CDX2: variants seen among roughly 807,000 people sequenced by gnomAD.
The protein encoded by CDX2 is caudal type homeobox 2.
In CDX2, 7 loss-of-function variants were observed where a neutral mutation model predicts 25.5. The ratio of observed to expected loss-of-function variants is 0.27; its 90% CI spans 0.16 to 0.52. CDX2 has a LOEUF of 0.52. CDX2 is among the 20% of genes least tolerant of loss of function. The pLI is 0.97. For missense variants in CDX2, 375 were observed against 431.4 expected (o/e 0.87, Z 1.16); for synonymous variants, 222 against 198.6 (o/e 1.12, Z -0.99).
chr13:27,963,237 G>A lies in CDX2; in HGVS notation c.820C>T (p.Pro274Ser), dbSNP rs1371684761. The part of the protein sequence containing the change: ...PPQPPQPQPG[P>S]LRSVPEPLSP... ...AAGGGCTCTGGGACACTTCTCAGAG[G>A]ACCTGGCTGAGGCTGGGGAGGCTGT... The change falls in exon 3 of 3, where the codon CCT (proline) becomes TCT (serine). Residue 274 changes from proline (P) to serine (S), a missense_variant. Around this residue, in one of 3 missense-constraint regions of CDX2, gnomAD observed 58 missense variants for 59.4 expected, o/e 0.98. Coordinates refer to ENST00000381020, the MANE Select transcript of CDX2 (RefSeq NM_001265.6). 1 of 1,614,160 alleles carries A rather than the reference G, an allele frequency of 6.2e-7. No individual in the cohort carries two copies. The highest frequency in any genetic ancestry group is 8.5e-7 in the Non-Finnish European group (1 of 1,179,974).
At chr13:27,965,672 A>T (rs1869284035) in intron 1 of CDX2, among the ~76,000 whole-genome samples, 1 of 152,008 alleles carries the variant, frequency 6.6e-6, no homozygotes, top group African/African-American at 2.4e-5. Flanking sequence ...TTCTTTTTTG[A>T]TCCTCCATTT....
At position 27,963,020 on chromosome 13, in the gene CDX2, G is replaced by C. The variant is rs975158709; in HGVS notation, c.*95C>G. 1.2e-4 allele frequency: 172 copies of C among 1,433,342 alleles called. No individual in the cohort carries two copies. The highest frequency in any genetic ancestry group is 1.4e-4 in the Non-Finnish European group (156 of 1,086,442). 88.8% of individuals were successfully genotyped at this position (1,433,342 alleles called of 1,614,324 possible). A position where few individuals can be genotyped will look rare whatever the true frequency, so the allele number is the denominator to read the frequency against. ...CAGGTCTGTAGGTCTATGGCTGTGG[G>C]TGGGAGGGGAGGGGTCTCTCCTGAG... is the stretch of plus-strand genomic sequence containing the variant. On this transcript the variant is annotated 3_prime_UTR_variant, in exon 3 of 3. Transcript: ENST00000381020.
At chr13:27,965,609 C>T (rs1000662860) in intron 1 of CDX2, among the ~76,000 whole-genome samples, 53 of 152,232 alleles carry the variant, frequency 3.5e-4, no homozygotes, top group Non-Finnish European at 1.5e-4. Flanking sequence ...GAAAACCCCT[C>T]CTGCTGGGGA....
At position 27,962,228 on chromosome 13, in the gene CDX2, T is replaced by TC. The variant is rs1869081361; in HGVS notation, c.*886dup. ...CCACTTCCCTTCACCATATCACTTC[T>TC]CCCCCCATGGATCCAGAAGGCTTTA... On this transcript the variant is annotated 3_prime_UTR_variant, in exon 3 of 3. Transcript: ENST00000381020. 1 of 232,274 alleles carries TC rather than the reference T, an allele frequency of 4.3e-6. No individual in the cohort carries two copies. Among genetic ancestry groups the TC allele is most frequent in the Admixed American group, 5.6e-5 (1 of 17,700 alleles). The allele number at this position is 232,274 out of a possible 1,614,324, so 14.4% of individuals were successfully genotyped here.
chr13:27,968,426 C>G (rs1434319840), intron 1 of CDX2, 40 bp downstream of exon 1: 1 of 1,448,032 alleles, frequency 6.9e-7, no homozygotes, highest in African/African-American at 1.5e-5. Context: ...CGACCCGCGC[C>G]TTCCCAAGCA....
chr13:27,968,437 C>T (rs1189887709), intron 1 of CDX2, 29 bp downstream of exon 1: 6 of 1,479,170 alleles, frequency 4.1e-6, no homozygotes, highest in Non-Finnish European at 4.4e-6. Context: ...TTCCCAAGCA[C>T]CCTCCGAAGG....
chr13:27,966,729 A>C (rs114408453), intron 1 of CDX2, among the ~76,000 whole-genome samples: 1 of 152,110 alleles, frequency 6.6e-6, no homozygotes, highest in Non-Finnish European at 1.5e-5. Context: ...GAGCGGGGCT[A>C]TGGAGGGGAG....
intron 2 of CDX2, among the ~76,000 whole-genome samples, chr13:27,963,887 TGA>T (rs1362199317): frequency 6.6e-6 from 1 of 152,236 alleles, no homozygotes; most frequent in East Asian, 1.9e-4. Context: ...CTAGTTTTTG[TGA>T]GAGACTGAGT....
chr13:27,967,229 G>A (rs1336970237), intron 1 of CDX2: 1 of 492,974 alleles, frequency 2.0e-6, no homozygotes, highest in South Asian at 1.6e-5. Flanking sequence ...TCTAGGAGAA[G>A]GGACCAAGCC....
At chr13:27,965,679 A>G (rs1869284688) in intron 1 of CDX2, among the ~76,000 whole-genome samples, 1 of 152,162 alleles carries the variant, frequency 6.6e-6, no homozygotes, top group East Asian at 1.9e-4. Flanking sequence ...TTGATCCTCC[A>G]TTTATTCCTG....
chr13:27,963,429 C>G (rs899246375), intron 2 of CDX2, 60 bp from the exon 3 acceptor site: 2 of 1,296,578 alleles, frequency 1.5e-6, no homozygotes. Context: ...AAAAGAGGAA[C>G]AGTACCCAGC....
At chr13:27,966,418 C>G (rs1382438544) in intron 1 of CDX2, among the ~76,000 whole-genome samples, 1 of 152,222 alleles carries the variant, frequency 6.6e-6, no homozygotes, top group Non-Finnish European at 1.5e-5. Flanking sequence ...GTACTCGCCC[C>G]TTTTTACAGA....
At chr13:27,968,100 A>G (rs1593185259) in intron 1 of CDX2, among the ~76,000 whole-genome samples, 1 of 152,198 alleles carries the variant, frequency 6.6e-6, no homozygotes, top group African/African-American at 2.4e-5. Context: ...GCCAGGAGCC[A>G]CGCAAGGAAT....
At chr13:27,966,381 C>T (rs1869323968) in intron 1 of CDX2, among the ~76,000 whole-genome samples, 1 of 152,252 alleles carries the variant, frequency 6.6e-6, no homozygotes, top group South Asian at 2.1e-4. Flanking sequence ...CGCGTGACCG[C>T]CTCAAACCCA....
At position 27,965,021 on chromosome 13, in the gene CDX2, G is replaced by C; in HGVS notation, c.542-6C>G. ...GTCTTTCGTCCTGGTTTTCACTGTG[G>C]AGGAAGGAGAAGTGAGGGCTGAGAA... On this transcript the variant is annotated splice_polypyrimidine_tract_variant and splice_region_variant and intron_variant, in intron 1 of 2. Coordinates refer to ENST00000381020, the MANE Select transcript of CDX2 (RefSeq NM_001265.6). The C allele has an allele frequency of 6.2e-7, 1 of 1,613,718 alleles. No homozygotes were observed. Among genetic ancestry groups the C allele is most frequent in the Non-Finnish European group, 8.5e-7 (1 of 1,179,796 alleles).
At chr13:27,965,817 G>T (rs1869291170) in intron 1 of CDX2, among the ~76,000 whole-genome samples, 1 of 152,204 alleles carries the variant, frequency 6.6e-6, no homozygotes, top group African/African-American at 2.4e-5. Context: ...GTTGGAGCAG[G>T]CCCGAGCCTG....
chr13:27,967,393 G>T (rs894008406), intron 1 of CDX2: 31 of 519,124 alleles, frequency 6.0e-5, no homozygotes, highest in Admixed American at 1.1e-4. Context: ...GTTGTAATTG[G>T]CTATAAACTT....
At chr13:27,968,329 G>T in intron 1 of CDX2, 137 bp downstream of exon 1, 1 of 1,099,942 alleles carries the variant, frequency 9.1e-7, no homozygotes, top group Non-Finnish European at 1.2e-6. Flanking sequence ...TTTGTCTCCG[G>T]GCCGTGCCCC....
chr13:27,968,700 C>T lies in CDX2; in HGVS notation c.307G>A (p.Ala103Thr), dbSNP rs1190093290. 2.6e-6 allele frequency: 4 copies of T among 1,531,310 alleles called. No homozygotes were observed. The highest frequency in any genetic ancestry group is 4.0e-5 in the Admixed American group (2 of 50,462). The allele number at this position is 1,531,310 out of a possible 1,614,324, so 94.9% of individuals were successfully genotyped here. A position where few individuals can be genotyped will look rare whatever the true frequency, so the allele number is the denominator to read the frequency against. Residue 103 changes from alanine (A) to threonine (T), a missense_variant, in exon 1 of 3, where the codon GCA becomes ACA. Physicochemically the swap from Ala to Thr is moderately conservative, Grantham distance 58. Transcript: ENST00000381020. Reference protein sequence around the residue: ...AHGLNGGSPAAAMGYSSPADY... With the variant: ...AHGLNGGSPATAMGYSSPADY... ...GCGGGGCTGCTGTAGCCCATGGCTG[C>T]GGCCGGGGAGCCACCGTTGAGGCCG...
Sources: gnomAD v4.1 joint callset for allele counts (sites outside exome capture counted in the v4.1 genomes callset) on GRCh38, gnomAD v4.1.1 for gene constraint, gnomAD v4.1.1 regional missense constraint, MANE v1.5 for transcripts, NCBI Gene and HGNC (gene_info 2026-07-23, HGNC 2026-07-21) for gene names.